MBOAT1: variants seen among roughly 807,000 people sequenced by gnomAD.
The protein encoded by MBOAT1 is membrane-bound glycerophospholipid O-acyltransferase 1.
Under a neutral mutation model 64.4 loss-of-function variants are expected in MBOAT1, and 67 were observed. The observed-to-expected ratio is 1.04, with a 90% confidence interval of 0.85 to 1.27. MBOAT1 has a LOEUF of 1.27. Ranked by LOEUF, MBOAT1 falls within the 50% of genes most tolerant of loss-of-function variation. MBOAT1 has a pLI of 0.00. For missense variants in MBOAT1, 563 were observed against 604.6 expected (o/e 0.93, Z 0.72); for synonymous variants, 229 against 218.9 (o/e 1.05, Z -0.41).
intron 12 of MBOAT1, among the ~76,000 whole-genome samples, chr6:20,106,758 C>T (rs1272536209): frequency 2.6e-5 from 4 of 152,136 alleles, no homozygotes; most frequent in Admixed American, 1.3e-4. Flanking sequence ...CTGATCTAGA[C>T]AGGAAACTTA....
intron 12 of MBOAT1, among the ~76,000 whole-genome samples, chr6:20,103,329 T>TA (rs1441928961): frequency 2.0e-5 from 3 of 152,174 alleles, no homozygotes; most frequent in Non-Finnish European, 2.9e-5. Flanking sequence ...GTTTCAAAAG[T>TA]AAAAAAACAA....
intron 1 of MBOAT1, among the ~76,000 whole-genome samples, chr6:20,176,718 G>T (rs1762351634): frequency 6.6e-6 from 1 of 152,074 alleles, no homozygotes; most frequent in African/African-American, 2.4e-5. Flanking sequence ...CTGCCTCCTG[G>T]GTTCAAACAA....
chr6:20,111,043 T>A (rs1376590666), intron 11 of MBOAT1, among the ~76,000 whole-genome samples: 1 of 152,234 alleles, frequency 6.6e-6, no homozygotes, highest in Admixed American at 6.5e-5. Flanking sequence ...GATTCTCTCA[T>A]CAAGCCTATT....
At chr6:20,108,459 A>G (rs1326756863) in intron 12 of MBOAT1, among the ~76,000 whole-genome samples, 1 of 152,198 alleles carries the variant, frequency 6.6e-6, no homozygotes, top group Non-Finnish European at 1.5e-5. Flanking sequence ...TTGTAACAGC[A>G]TGGACTTCAT....
chr6:20,118,471 T>A lies in MBOAT1; in HGVS notation c.977A>T (p.Asp326Val), dbSNP rs749297970. 1 of 1,614,038 alleles carries A rather than the reference T, an allele frequency of 6.2e-7. No homozygotes were observed. Among genetic ancestry groups the A allele is most frequent in the South Asian group, 1.1e-5 (1 of 91,082 alleles). ...CCAGATGTTTAGGTTCGAAAGCAGA[T>A]CCCAACAGAAATTCCCATTCTTATC... is the stretch of plus-strand genomic sequence containing the variant. ...GVDKNGNFCW[D>V]LLSNLNIWKI... The change falls in exon 9 of 13, where the codon GAT becomes GTT. Residue 326 changes from aspartate (D) to valine (V), a missense_variant. Transcript: ENST00000324607.
chr6:20,194,080 T>C (rs190474336), intron 1 of MBOAT1, among the ~76,000 whole-genome samples: 1 of 152,080 alleles, frequency 6.6e-6, no homozygotes, highest in Admixed American at 6.5e-5. Context: ...TTTCTGACAA[T>C]ATTATAAGCT....
At chr6:20,127,078 G>C (rs972863236) in intron 6 of MBOAT1, among the ~76,000 whole-genome samples, 9 of 152,278 alleles carry the variant, frequency 5.9e-5, no homozygotes, top group Admixed American at 3.3e-4. Flanking sequence ...TTAGCGGATC[G>C]AGATGCTTCC....
At chr6:20,172,937 G>T (rs1337662723) in intron 1 of MBOAT1, among the ~76,000 whole-genome samples, 1 of 152,146 alleles carries the variant, frequency 6.6e-6, no homozygotes, top group African/African-American at 2.4e-5. Flanking sequence ...GAATATGGCC[G>T]TGGATTTCTC....
chr6:20,107,074 T>C (rs1310620285), intron 12 of MBOAT1, among the ~76,000 whole-genome samples: 1 of 152,200 alleles, frequency 6.6e-6, no homozygotes, highest in Admixed American at 6.5e-5. Context: ...AAGAACTTTT[T>C]AGTAACTCCA....
In MBOAT1 at chr6:20,209,413, C is replaced by T. The variant is rs540523789; in HGVS notation, c.99+2723G>A. Among the ~76,000 whole-genome samples, 390 of 152,128 alleles carry T rather than the reference C, an allele frequency of 2.6e-3. 1 individual carries two copies. The highest frequency in any genetic ancestry group is 8.7e-3 in the African/African-American group (362 of 41,470). ...CAGGCTTTCCTATTTAAGGATGCCA[C>T]GAAGTTAACAGAACAGATAAATGGA... On this transcript the variant is annotated intron_variant, in intron 1 of 12. Transcript: ENST00000324607.
At chr6:20,111,815 C>CATATATATATACAT (rs201309616) in intron 11 of MBOAT1, among the ~76,000 whole-genome samples, 15 of 106,030 alleles carry the variant, frequency 1.4e-4, no homozygotes, top group African/African-American at 5.2e-4. Flanking sequence ...CATATATATA[C>CATATATATATACAT]ATATATATAC....
chr6:20,156,896 T>C (rs951722423), intron 1 of MBOAT1, among the ~76,000 whole-genome samples: 1 of 152,192 alleles, frequency 6.6e-6, no homozygotes, highest in Non-Finnish European at 1.5e-5. Context: ...CTAAAGAGCT[T>C]CTGCACAGCA....
In MBOAT1 at chr6:20,120,355, A is replaced by G. The variant is rs181178758; in HGVS notation, c.908-1815T>C. ...TAACACTCAAGAAAGGTTAGCTATT[A>G]TTATTATTATTATGCTATTAAGGGG... On this transcript the variant is annotated intron_variant, in intron 8 of 12. Coordinates refer to ENST00000324607, the MANE Select transcript of MBOAT1 (RefSeq NM_001080480.3). 2.6e-3 allele frequency among the ~76,000 whole-genome samples: 395 copies of G among 152,262 alleles called. 8 individuals carry two copies. The highest frequency in any genetic ancestry group is 0.014 in the Middle Eastern group (4 of 294).
intron 1 of MBOAT1, among the ~76,000 whole-genome samples, chr6:20,153,478 C>T (rs1326132858): frequency 2.0e-5 from 3 of 152,160 alleles, no homozygotes; most frequent in Non-Finnish European, 2.9e-5. Context: ...TATTTGGTAC[C>T]TGGGAAATCA....
chr6:20,172,033 T>TA (rs1445578225), intron 1 of MBOAT1, among the ~76,000 whole-genome samples: 3 of 151,044 alleles, frequency 2.0e-5, no homozygotes, highest in African/African-American at 7.3e-5. Flanking sequence ...ATTCTGTCTC[T>TA]AAAAAAACAA....
intron 1 of MBOAT1, among the ~76,000 whole-genome samples, chr6:20,176,922 C>A (rs1468549269): frequency 6.6e-6 from 1 of 152,174 alleles, no homozygotes; most frequent in East Asian, 1.9e-4. Flanking sequence ...CTACGTCCAG[C>A]CTACTATTCA....
intron 4 of MBOAT1, 145 bp downstream of exon 4, chr6:20,144,075 C>A: frequency 1.7e-6 from 1 of 605,296 alleles, no homozygotes; most frequent in South Asian, 2.0e-5. Flanking sequence ...AATCAAGTCT[C>A]CAGCCTCAAT....
intron 12 of MBOAT1, among the ~76,000 whole-genome samples, chr6:20,104,161 A>C (rs547674061): frequency 1.3e-5 from 2 of 152,322 alleles, no homozygotes; most frequent in South Asian, 4.1e-4. Context: ...TAGCCTCAGT[A>C]TATAGTAGCC....
At chr6:20,158,243 A>G (rs570549242) in intron 1 of MBOAT1, among the ~76,000 whole-genome samples, 1 of 152,294 alleles carries the variant, frequency 6.6e-6, no homozygotes, top group South Asian at 2.1e-4. Flanking sequence ...AACCAACAGA[A>G]TAGGACAGAG....
Sources: gnomAD v4.1 joint callset for allele counts (sites outside exome capture counted in the v4.1 genomes callset) on GRCh38, gnomAD v4.1.1 for gene constraint, MANE v1.5 for transcripts, NCBI Gene and HGNC (gene_info 2026-07-23, HGNC 2026-07-21) for gene names.